Variants in CTNNA3 observed in about 807,000 individuals in gnomAD.
CTNNA3 encodes the protein catenin alpha-3.
Under a neutral mutation model 95.7 loss-of-function variants are expected in CTNNA3, and 76 were observed. That is an observed-to-expected ratio of 0.79 (90% confidence interval 0.66 to 0.96). The LOEUF (loss-of-function observed/expected upper bound fraction) is 0.96, where lower values mean the gene tolerates loss of function less well. Ranked by LOEUF, CTNNA3 falls within the 40% of genes least tolerant of loss-of-function variation. The pLI is 0.00. For synonymous variants in CTNNA3, 431 were observed against 374.4 expected, an observed-to-expected ratio of 1.15 and a Z score of -1.74; for missense variants, 1,191 against 1,089.8, an observed-to-expected ratio of 1.09 and a Z score of -1.31.
chr10:66,971,256 T>C (rs1849705255), intron 7 of CTNNA3, among the ~76,000 whole-genome samples: 1 of 151,872 alleles, frequency 6.6e-6, no homozygotes, highest in African/African-American at 2.4e-5. Flanking sequence ...TGAAACCCCG[T>C]CTCTACTAAA....
chr10:66,403,396 G>C (rs1407223529), intron 11 of CTNNA3, among the ~76,000 whole-genome samples: 1 of 152,090 alleles, frequency 6.6e-6, no homozygotes, highest in Non-Finnish European at 1.5e-5. Context: ...CACATGGCTG[G>C]GGAGGCCTCA....
intron 10 of CTNNA3, among the ~76,000 whole-genome samples, chr10:66,605,907 C>G (rs114524141): frequency 1.3e-5 from 2 of 152,030 alleles, no homozygotes; most frequent in African/African-American, 4.8e-5. Flanking sequence ...CAAGTTTGCA[C>G]GCTAACCACC....
At chr10:65,998,095 A>C (rs2078701613) in intron 15 of CTNNA3, among the ~76,000 whole-genome samples, 1 of 152,242 alleles carries the variant, frequency 6.6e-6, no homozygotes, top group South Asian at 2.1e-4. Flanking sequence ...TCCTAATGCC[A>C]CAGAATAAAA....
At chr10:66,970,502 T>TGGGGGGGGG (rs11367465) in intron 7 of CTNNA3, among the ~76,000 whole-genome samples, 4 of 138,514 alleles carry the variant, frequency 2.9e-5, no homozygotes, top group Non-Finnish European at 3.2e-5. Context: ...TATTCTTGGG[T>TGGGGGGGGG]GGGGGGGGGA....
intron 5 of CTNNA3, among the ~76,000 whole-genome samples, chr10:67,301,923 C>T (rs953262995): frequency 6.7e-6 from 1 of 150,074 alleles, no homozygotes; most frequent in Non-Finnish European, 1.5e-5. Context: ...GAGCGGAGAT[C>T]GCGCCACTGC....
At chr10:67,183,603 T>A (rs886196353) in intron 6 of CTNNA3, among the ~76,000 whole-genome samples, 5 of 152,018 alleles carry the variant, frequency 3.3e-5, no homozygotes, top group Non-Finnish European at 7.4e-5. Flanking sequence ...GACGAGTTAA[T>A]GGGTGCAGCA....
chr10:66,053,838 T>C (rs574245798), intron 15 of CTNNA3, among the ~76,000 whole-genome samples: 1 of 152,266 alleles, frequency 6.6e-6, no homozygotes, highest in South Asian at 2.1e-4. Context: ...TTCCCTATTG[T>C]GCTACCAAAT....
At chr10:67,477,432 TC>T (rs1848059288) in intron 5 of CTNNA3, among the ~76,000 whole-genome samples, 2 of 151,990 alleles carry the variant, frequency 1.3e-5, no homozygotes. Context: ...AGAGAGCTTC[TC>T]CCAGTAAACA....
chr10:66,356,122 GTTTTT>G (rs59366031), intron 12 of CTNNA3, among the ~76,000 whole-genome samples: 1 of 117,236 alleles, frequency 8.5e-6, no homozygotes, highest in Non-Finnish European at 1.7e-5. Flanking sequence ...TGCTTGTTTT[GTTTTT>G]TTTTTTTTTT....
chr10:66,833,314 A>G (rs2132326636), intron 7 of CTNNA3, among the ~76,000 whole-genome samples: 2 of 152,334 alleles, frequency 1.3e-5, no homozygotes, highest in Admixed American at 1.3e-4. Context: ...TTGACTGTTC[A>G]GTAGGCATTG....
intron 11 of CTNNA3, among the ~76,000 whole-genome samples, chr10:66,384,250 A>T (rs1259716405): frequency 1.3e-5 from 2 of 152,168 alleles, no homozygotes; most frequent in Non-Finnish European, 2.9e-5. Flanking sequence ...GGAGGGAGGA[A>T]GATCTACCAA....
At chr10:67,306,195 G>T (rs967460884) in intron 5 of CTNNA3, among the ~76,000 whole-genome samples, 2 of 152,080 alleles carry the variant, frequency 1.3e-5, no homozygotes, top group African/African-American at 4.8e-5. Context: ...GGAAAGTGGT[G>T]GCCTTTTAAT....
intron 5 of CTNNA3, among the ~76,000 whole-genome samples, chr10:67,386,833 C>T (rs578059465): frequency 5.3e-5 from 8 of 152,306 alleles, no homozygotes; most frequent in African/African-American, 1.7e-4. Flanking sequence ...TGGCCATGCA[C>T]ATTAACATGA....
intron 7 of CTNNA3, among the ~76,000 whole-genome samples, chr10:66,936,635 T>C (rs1394737445): frequency 6.6e-6 from 1 of 152,162 alleles, no homozygotes; most frequent in African/African-American, 2.4e-5. Flanking sequence ...ATCGGACAGA[T>C]GGACTAGATT....
chr10:66,291,065 C>T (rs1034002547), intron 12 of CTNNA3, among the ~76,000 whole-genome samples: 1 of 152,088 alleles, frequency 6.6e-6, no homozygotes, highest in African/African-American at 2.4e-5. Flanking sequence ...AGAAGACAAA[C>T]ATCTGATCAC....
intron 14 of CTNNA3, among the ~76,000 whole-genome samples, chr10:66,072,333 C>T (rs1193283393): frequency 6.6e-6 from 1 of 152,186 alleles, no homozygotes; most frequent in East Asian, 1.9e-4. Flanking sequence ...ATAAAACTTT[C>T]CTATGACCAG....
chr10:67,758,164 G>A (rs1113976), intron 1 of CTNNA3, among the ~76,000 whole-genome samples: 83,710 of 151,808 alleles, frequency 0.55, 26,832 homozygotes, highest in Middle Eastern at 0.73. Flanking sequence ...TTTCAGACCC[G>A]AACTGAACTA....
At chr10:66,361,131 A>ATTTTT (rs140136112) in intron 12 of CTNNA3, among the ~76,000 whole-genome samples, 4 of 145,970 alleles carry the variant, frequency 2.7e-5, no homozygotes. Context: ...TAAATTTTGA[A>ATTTTT]TTTTTTGTTT....
intron 9 of CTNNA3, among the ~76,000 whole-genome samples, chr10:66,689,364 A>G (rs1287665051): frequency 6.6e-6 from 1 of 152,168 alleles, no homozygotes; most frequent in Non-Finnish European, 1.5e-5. Flanking sequence ...GCTCTCTCCA[A>G]AATTAGGTAA....
Sources: allele counts gnomAD v4.1 joint callset (sites outside exome capture counted in the v4.1 genomes callset), GRCh38; gene constraint gnomAD v4.1.1; transcripts MANE v1.5; gene names NCBI Gene and HGNC (gene_info 2026-07-23, HGNC 2026-07-21).